The following PSEN2 variants were observed in gnomAD, a reference collection of about 807,000 sequenced individuals.
The protein encoded by PSEN2 is presenilin-2.
In PSEN2, 32 loss-of-function variants were observed where a neutral mutation model predicts 49.1. The ratio of observed to expected loss-of-function variants is 0.65; its 90% CI spans 0.49 to 0.88. The LOEUF is 0.88. Among genes scored for constraint, PSEN2 ranks in the 40% least tolerant of loss-of-function variants. The pLI is 0.00. For missense variants in PSEN2, 522 were observed against 586.9 expected (o/e 0.89, Z 1.14); for synonymous variants, 255 against 244.0 (o/e 1.05, Z -0.42).
intron 9 of PSEN2, chr1:226,891,039 T>C: frequency 1.8e-6 from 1 of 563,038 alleles, no homozygotes; most frequent in Non-Finnish European, 3.2e-6. Flanking sequence ...TTGGCTCTGA[T>C]AGACCTGGTT....
chr1:226,891,211 TC>T, intron 9 of PSEN2, 66 bp from the exon 10 acceptor site: 1 of 1,428,452 alleles, frequency 7.0e-7, no homozygotes. Context: ...ACTGGCCACC[TC>T]CCCCAGGCCC....
At chr1:226,885,309 C>T (rs1661283143) in intron 5 of PSEN2, among the ~76,000 whole-genome samples, 1 of 152,114 alleles carries the variant, frequency 6.6e-6, no homozygotes, top group Non-Finnish European at 1.5e-5. Flanking sequence ...CACTGCTGCA[C>T]TGGGCCCAGT....
chr1:226,871,125 C>T (rs116602204), intron 1 of PSEN2, 137 bp from the exon 2 acceptor site: 2,155 of 152,270 alleles, frequency 0.014, 53 homozygotes, highest in African/African-American at 0.049. Context: ...GTCCATTCGG[C>T]CTCTAGCACC....
At chr1:226,898,518 CTT>C (rs1358786903), downstream of PSEN2, 1 of 152,200 alleles carries the variant, frequency 6.6e-6, no homozygotes, top group African/African-American at 2.4e-5. Flanking sequence ...TGTCATCAGA[CTT>C]TTCATCTTGT....
intron 3 of PSEN2, among the ~76,000 whole-genome samples, chr1:226,879,900 G>A (rs1333675281): frequency 1.3e-5 from 2 of 152,222 alleles, no homozygotes; most frequent in Non-Finnish European, 2.9e-5. Flanking sequence ...TCCCTGTGAT[G>A]GAGGTGAGCA....
At chr1:226,871,955 T>C (rs1660326495) in intron 2 of PSEN2, among the ~76,000 whole-genome samples, 2 of 152,230 alleles carry the variant, frequency 1.3e-5, no homozygotes, top group Admixed American at 1.3e-4. Context: ...GAGTGAGGGC[T>C]TGGGGGCATG....
chr1:226,871,062 G>A (rs1660250158), intron 1 of PSEN2, 200 bp from the exon 2 acceptor site: 1 of 152,270 alleles, frequency 6.6e-6, no homozygotes, highest in African/African-American at 2.4e-5. Context: ...GCGTGTAGCA[G>A]GCGGGGGCGT....
At chr1:226,887,979 A>G in intron 6 of PSEN2, 112 bp from the exon 7 acceptor site, 1 of 894,076 alleles carries the variant, frequency 1.1e-6, no homozygotes, top group South Asian at 1.3e-5. Context: ...CGTAGGCATG[A>G]AGTAGCCTAA....
chr1:226,883,743 T>C lies in PSEN2; in HGVS notation c.180T>C (p.Pro60=), dbSNP rs1661149633. ...ACGAGGAGGACGGTGAGGAGGACCC[T>C]GACCGCTATGTCTGTAGTGGGGTTC... is the stretch of plus-strand genomic sequence containing the variant. ...QENEEDGEED[P]DRYVCSGVPG... The change falls in exon 5 of 13, where the codon CCT becomes CCC. Residue 60 remains proline (P), a synonymous_variant. Transcript: ENST00000366783. The C allele has an allele frequency of 5.6e-6, 9 of 1,614,142 alleles. No individual in the cohort carries two copies. Among genetic ancestry groups the C allele is most frequent in the Non-Finnish European group, 7.6e-6 (9 of 1,180,040 alleles).
In PSEN2 at chr1:226,885,402, C is replaced by T. The variant is rs540921564; in HGVS notation, c.357-136C>T. ...AGGAACTGCTCATGGGGATGGTGCC[C>T]GCACTCCATCAGGGCAGCATGTGGG... is the stretch of plus-strand genomic sequence containing the variant. On this transcript the variant is annotated intron_variant, in intron 5 of 12. Transcript: ENST00000366783. 1.3e-4 allele frequency: 123 copies of T among 965,062 alleles called. 3 individuals carry two copies. In the South Asian group the frequency reaches 1.6e-3, roughly 13 times the overall value. 59.8% of individuals were successfully genotyped at this position (965,062 alleles called of 1,614,324 possible).
At chr1:226,887,100 A>G (rs1661410875) in intron 6 of PSEN2, among the ~76,000 whole-genome samples, 1 of 152,164 alleles carries the variant, frequency 6.6e-6, no homozygotes, top group South Asian at 2.1e-4. Flanking sequence ...ATTGCGTGGC[A>G]GATGTGAAGA....
At chr1:226,902,354 A>G (rs953730197) in intron 12 of PSEN2, among the ~76,000 whole-genome samples, 2 of 152,120 alleles carry the variant, frequency 1.3e-5, no homozygotes, top group Non-Finnish European at 2.9e-5. Flanking sequence ...GTACTGGTCC[A>G]TGGCCTGGGG....
chr1:226,892,369 T>A (rs1223234016), intron 11 of PSEN2, among the ~76,000 whole-genome samples: 1 of 152,126 alleles, frequency 6.6e-6, no homozygotes, highest in East Asian at 1.9e-4. Context: ...CGGGGCGGGA[T>A]GCAGAGAGCA....
chr1:226,882,079 A>G (rs201563279), intron 4 of PSEN2, 31 bp downstream of exon 4: 19 of 1,612,876 alleles, frequency 1.2e-5, no homozygotes, highest in Non-Finnish European at 1.6e-5. Flanking sequence ...GGGGCCTTCA[A>G]ACAGGTCCCT....
At chr1:226,874,608 C>T (rs916950677) in intron 2 of PSEN2, among the ~76,000 whole-genome samples, 2 of 152,212 alleles carry the variant, frequency 1.3e-5, no homozygotes, top group Admixed American at 6.5e-5. Context: ...AGAGGCACAT[C>T]CATAGGCTAC....
At chr1:226,872,178 A>C (rs1447136666) in intron 2 of PSEN2, among the ~76,000 whole-genome samples, 1 of 152,080 alleles carries the variant, frequency 6.6e-6, no homozygotes, top group Non-Finnish European at 1.5e-5. Flanking sequence ...GCATAATGTC[A>C]CACCTGTCTC....
rs1571956903 is a variant in PSEN2 at position 226,886,887 on chromosome 1, A to G, written c.499-1204A>G. Among the ~76,000 whole-genome samples, 3 of 152,148 alleles carry G rather than the reference A, an allele frequency of 2.0e-5. No individual in the cohort carries two copies. The East Asian group carries it at 5.8e-4, about 29-fold the overall frequency. The stretch of plus-strand genomic sequence containing the variant: ...GAGACTGAGGCAGGAGGATCGCCTG[A>G]CCCCAGGAGTTCAAGTCTAGCCTGG... On this transcript the variant is annotated intron_variant, in intron 6 of 12. Transcript: ENST00000366783.
At chr1:226,883,972 GGGT>G in intron 5 of PSEN2, 53 bp downstream of exon 5, 1 of 1,201,534 alleles carries the variant, frequency 8.3e-7, no homozygotes, top group Non-Finnish European at 1.2e-6. Flanking sequence ...AGTTGCCAGG[GGGT>G]GGGGGGCGCA....
chr1:226,879,758 C>T (rs75041180), intron 3 of PSEN2, among the ~76,000 whole-genome samples: 3,493 of 152,294 alleles, frequency 0.023, 87 homozygotes, highest in South Asian at 0.06. Context: ...CCCCTCCTGT[C>T]GGGTGCATTG....
Sources: gnomAD v4.1 joint callset for allele counts (sites outside exome capture counted in the v4.1 genomes callset) on GRCh38, gnomAD v4.1.1 for gene constraint, MANE v1.5 for transcripts, NCBI Gene and HGNC (gene_info 2026-07-23, HGNC 2026-07-21) for gene names.